Variants in CWC27 observed in about 807,000 individuals in gnomAD.
The protein encoded by CWC27 is CWC27 spliceosome associated cyclophilin.
CWC27 carries 47 observed loss-of-function variants against 63.6 expected under a neutral mutation model. The observed-to-expected ratio is 0.74, with a 90% CI of 0.58 to 0.94. The LOEUF (loss-of-function observed/expected upper bound fraction) is 0.94. Ranked by LOEUF, CWC27 falls within the 40% of genes least tolerant of loss-of-function variation. The pLI is 0.00. For synonymous variants in CWC27, 175 were observed against 179.8 expected (o/e 0.97, Z 0.22); for missense variants, 495 against 554.3 (o/e 0.89, Z 1.07).
At chr5:64,823,426 G>A (rs900197649) in intron 10 of CWC27, among the ~76,000 whole-genome samples, 7 of 152,228 alleles carry the variant, frequency 4.6e-5, no homozygotes, top group African/African-American at 1.7e-4. Flanking sequence ...TTTAAAGGGT[G>A]TAGTTCCAAT....
intron 10 of CWC27, among the ~76,000 whole-genome samples, chr5:64,863,685 C>T (rs1191152426): frequency 1.6e-4 from 24 of 152,044 alleles, no homozygotes; most frequent in Non-Finnish European, 1.0e-4. Context: ...TGCCACTCCT[C>T]ACTATGTTGC....
chr5:65,006,990 GAAAGAAAGAAAGAAAGAAAGAAAGA>G (rs2112470899), intron 13 of CWC27, among the ~76,000 whole-genome samples: 1 of 148,920 alleles, frequency 6.7e-6, no homozygotes, highest in Non-Finnish European at 1.5e-5. Context: ...AAGAAAGAAA[GAAAGAAAGAAAGAAAGAAAGAAAGA>G]AAGAAAGAAA....
At chr5:64,905,502 C>G (rs1258105161) in intron 11 of CWC27, among the ~76,000 whole-genome samples, 1 of 151,916 alleles carries the variant, frequency 6.6e-6, no homozygotes, top group Non-Finnish European at 1.5e-5. Flanking sequence ...ATCTTTTAAT[C>G]TGAAAATAAA....
intron 10 of CWC27, among the ~76,000 whole-genome samples, chr5:64,876,941 G>A (rs115274653): frequency 0.012 from 1,748 of 151,990 alleles, 11 homozygotes; most frequent in Non-Finnish European, 0.018. Flanking sequence ...AAGTAATAAC[G>A]AATGATCTTA....
intron 10 of CWC27, among the ~76,000 whole-genome samples, chr5:64,810,037 T>A (rs986810534): frequency 6.6e-6 from 1 of 152,146 alleles, no homozygotes; most frequent in African/African-American, 2.4e-5. Flanking sequence ...TCAGGCCTTA[T>A]CCGTAAGTCT....
intron 11 of CWC27, among the ~76,000 whole-genome samples, chr5:64,901,404 G>A (rs1747507114): frequency 6.6e-6 from 1 of 150,550 alleles, no homozygotes; most frequent in Admixed American, 6.6e-5. Context: ...CTTGCAGTGA[G>A]CCGAGATGGC....
chr5:64,909,692 C>A (rs185474240), intron 11 of CWC27, among the ~76,000 whole-genome samples: 2 of 152,100 alleles, frequency 1.3e-5, no homozygotes, highest in Non-Finnish European at 2.9e-5. Flanking sequence ...ATTTGATCTT[C>A]AGTCACTGAT....
intron 13 of CWC27, among the ~76,000 whole-genome samples, chr5:65,004,901 T>TACAC (rs1369455529): frequency 7.7e-5 from 5 of 65,138 alleles, no homozygotes; most frequent in African/African-American, 3.0e-4. Flanking sequence ...TATATATATA[T>TACAC]ATATACATAC....
chr5:64,856,990 T>C (rs1746273230), intron 10 of CWC27, among the ~76,000 whole-genome samples: 1 of 152,136 alleles, frequency 6.6e-6, no homozygotes, highest in Admixed American at 6.5e-5. Context: ...TAAAGAATAG[T>C]AGTATTTTAG....
At chr5:64,855,854 C>T (rs1746244351) in intron 10 of CWC27, among the ~76,000 whole-genome samples, 1 of 152,020 alleles carries the variant, frequency 6.6e-6, no homozygotes, top group African/African-American at 2.4e-5. Flanking sequence ...GGACATTTCC[C>T]CTCATACTTG....
At chr5:65,002,249 C>A (rs1487244467) in intron 13 of CWC27, among the ~76,000 whole-genome samples, 8 of 151,696 alleles carry the variant, frequency 5.3e-5, no homozygotes, top group Admixed American at 5.2e-4. Context: ...TTTATCTTTT[C>A]AAAAAAACCA....
intron 11 of CWC27, among the ~76,000 whole-genome samples, chr5:64,918,872 C>A (rs1260786634): frequency 6.6e-6 from 1 of 152,150 alleles, no homozygotes; most frequent in African/African-American, 2.4e-5. Flanking sequence ...CCTCCACGTC[C>A]ATCCCTCAGT....
chr5:64,977,277 T>G, intron 13 of CWC27, 39 bp downstream of exon 13: 1 of 1,383,862 alleles, frequency 7.2e-7, no homozygotes, highest in Non-Finnish European at 1.0e-6. Flanking sequence ...CATGAACAAA[T>G]AGTCTCAGAG....
intron 10 of CWC27, among the ~76,000 whole-genome samples, chr5:64,872,601 A>C (rs2112326829): frequency 6.6e-6 from 1 of 152,168 alleles, no homozygotes; most frequent in African/African-American, 2.4e-5. Context: ...TCATTTGTCC[A>C]TATATTCATT....
chr5:64,833,687 T>A (rs1006240966), intron 10 of CWC27, among the ~76,000 whole-genome samples: 4 of 151,752 alleles, frequency 2.6e-5, no homozygotes, highest in Admixed American at 2.0e-4. Context: ...TAGTTTTGAT[T>A]TTCTTTTTCC....
chr5:65,014,054 C>G (rs932353835), intron 13 of CWC27, among the ~76,000 whole-genome samples: 33 of 151,652 alleles, frequency 2.2e-4, no homozygotes, highest in African/African-American at 7.7e-4. Context: ...AGGTCTAGTC[C>G]TTTTTGAAAA....
At chr5:64,995,408 C>T (rs761722068) in intron 13 of CWC27, among the ~76,000 whole-genome samples, 5 of 152,108 alleles carry the variant, frequency 3.3e-5, no homozygotes, top group African/African-American at 7.2e-5. Flanking sequence ...TTTTCCTTCA[C>T]GATTTCTACC....
At chr5:64,972,336 A>G (rs2112442949) in intron 12 of CWC27, among the ~76,000 whole-genome samples, 1 of 152,284 alleles carries the variant, frequency 6.6e-6, no homozygotes, top group East Asian at 1.9e-4. Context: ...AAGAATGAAA[A>G]GAGATAGGAA....
At position 64,983,496 on chromosome 5, in the gene CWC27, G is replaced by A. The variant is rs1240279022; in HGVS notation, c.1256+6258G>A. 3.9e-5 allele frequency among the ~76,000 whole-genome samples: 6 copies of A among 152,148 alleles called. No homozygotes were observed. In the East Asian group the frequency reaches 1.2e-3, roughly 29 times the overall value. ...CCGAGTCACACTTTGAGAACCGCTGGGACAAGTCATCTCTGGTCATTGAGT... is the reference window on the plus strand; with the variant it reads ...CCGAGTCACACTTTGAGAACCGCTGAGACAAGTCATCTCTGGTCATTGAGT... On this transcript the variant is annotated intron_variant, in intron 13 of 13. Coordinates refer to ENST00000381070, the MANE Select transcript of CWC27 (RefSeq NM_005869.4).
Sources: gnomAD v4.1 joint callset for allele counts (sites outside exome capture counted in the v4.1 genomes callset) on GRCh38, gnomAD v4.1.1 for gene constraint, MANE v1.5 for transcripts, NCBI Gene and HGNC (gene_info 2026-07-23, HGNC 2026-07-21) for gene names.